CSMD2: variants seen among roughly 807,000 people sequenced by gnomAD.
The protein encoded by CSMD2 is CUB and sushi domain-containing protein 2.
In CSMD2, 130 loss-of-function variants were observed where a neutral mutation model predicts 398.5. That is an observed-to-expected ratio of 0.33 (90% confidence interval 0.28 to 0.38). The LOEUF (loss-of-function observed/expected upper bound fraction) is 0.38, where lower values mean the gene tolerates loss of function less well. Ranked by LOEUF, CSMD2 falls within the 10% of genes least tolerant of loss-of-function variation. CSMD2 has a pLI of 1.00. For missense variants in CSMD2, 3,829 were observed against 4,764.9 expected (o/e 0.80, Z 5.78); for synonymous variants, 1,828 against 1,908.5 (o/e 0.96, Z 1.10).
intron 3 of CSMD2, among the ~76,000 whole-genome samples, chr1:33,983,125 T>C (rs1646229827): frequency 6.6e-6 from 1 of 152,092 alleles, no homozygotes; most frequent in Non-Finnish European, 1.5e-5. Flanking sequence ...GACACTCCCT[T>C]AGGGGTCTAC....
chr1:33,561,633 C>T (rs999799795), intron 53 of CSMD2, among the ~76,000 whole-genome samples: 3 of 152,186 alleles, frequency 2.0e-5, no homozygotes, highest in Non-Finnish European at 2.9e-5. Flanking sequence ...GGCTGTTAAA[C>T]CCAGTGGGCT....
chr1:33,698,031 G>C (rs971040835), intron 24 of CSMD2, among the ~76,000 whole-genome samples: 1 of 152,196 alleles, frequency 6.6e-6, no homozygotes, highest in African/African-American at 2.4e-5. Context: ...GGAAAGGTAG[G>C]AGGCAGGACG....
Position 33,782,843 on chromosome 1 carries a change from G to A in CSMD2, c.1663+5757C>T, listed in dbSNP as rs1438347127. On this transcript the variant is annotated intron_variant, in intron 12 of 70. Coordinates refer to ENST00000373381, the MANE Select transcript of CSMD2 (RefSeq NM_001281956.2). Reference sequence around the variant, plus strand: ...GAACTTCGGATGTCATGTAGAAAACGTTATACTTTATCCTAAAATCAATGG... The same window carrying A: ...GAACTTCGGATGTCATGTAGAAAACATTATACTTTATCCTAAAATCAATGG... Among the ~76,000 whole-genome samples the A allele has an allele frequency of 6.6e-5, 10 of 152,076 alleles. No homozygotes were observed. The East Asian group carries it at 7.7e-4, about 12-fold the overall frequency.
At chr1:34,099,485 A>T (rs1281088202) in intron 1 of CSMD2, among the ~76,000 whole-genome samples, 2 of 152,182 alleles carry the variant, frequency 1.3e-5, no homozygotes, top group Non-Finnish European at 2.9e-5. Flanking sequence ...AGCATCCCAG[A>T]CCTCTGCCTT....
intron 29 of CSMD2, among the ~76,000 whole-genome samples, chr1:33,638,960 G>A (rs1405460608): frequency 1.3e-5 from 2 of 152,170 alleles, no homozygotes; most frequent in African/African-American, 2.4e-5. Flanking sequence ...TTTTGTTCAC[G>A]GCCATATTCC....
intron 5 of CSMD2, among the ~76,000 whole-genome samples, chr1:33,917,521 CA>C (rs1643786959): frequency 6.6e-6 from 1 of 152,208 alleles, no homozygotes; most frequent in Non-Finnish European, 1.5e-5. Context: ...CCTAACCCAT[CA>C]ACAACTGAGA....
chr1:34,064,930 G>A (rs765789864), intron 2 of CSMD2, among the ~76,000 whole-genome samples: 2 of 152,034 alleles, frequency 1.3e-5, no homozygotes, highest in African/African-American at 2.4e-5. Context: ...CGGAAAACTC[G>A]GATAAAACCA....
chr1:33,730,219 T>C (rs576524191), intron 15 of CSMD2, among the ~76,000 whole-genome samples: 1 of 152,304 alleles, frequency 6.6e-6, no homozygotes, highest in African/African-American at 2.4e-5. Flanking sequence ...TTAGTAGGTA[T>C]GGTATGATTC....
At chr1:33,576,965 C>A (rs1015067423) in intron 49 of CSMD2, among the ~76,000 whole-genome samples, 15 of 152,092 alleles carry the variant, frequency 9.9e-5, no homozygotes, top group Admixed American at 7.2e-4. Context: ...GAGCCGGAAC[C>A]CAAGCATCCC....
At chr1:33,599,564 A>G (rs1640073796) in intron 44 of CSMD2, 1 of 152,228 alleles carries the variant, frequency 6.6e-6, no homozygotes, top group South Asian at 2.1e-4. Flanking sequence ...CATAGCTTGC[A>G]TGTGTCAGAG....
chr1:34,081,900 A>C (rs1194356962), intron 2 of CSMD2, among the ~76,000 whole-genome samples: 28 of 123,398 alleles, frequency 2.3e-4, no homozygotes, highest in Middle Eastern at 5.8e-3. Flanking sequence ...CCAGCCGCCC[A>C]GTCTGGGAAG....
chr1:34,093,593 G>A (rs1468123514), intron 1 of CSMD2, among the ~76,000 whole-genome samples: 1 of 151,672 alleles, frequency 6.6e-6, no homozygotes, highest in African/African-American at 2.4e-5. Context: ...ACCAAGGCTC[G>A]AGAACTACAT....
At chr1:34,157,370 T>C (rs911354790) in intron 1 of CSMD2, among the ~76,000 whole-genome samples, 7 of 152,144 alleles carry the variant, frequency 4.6e-5, no homozygotes, top group Non-Finnish European at 7.4e-5. Flanking sequence ...GTCCACTCAG[T>C]TGGTGCCTAT....
At position 33,519,044 on chromosome 1, in the gene CSMD2, G is replaced by A. The variant is rs1184266116; in HGVS notation, c.*53+421C>T. 1.3e-5 allele frequency among the ~76,000 whole-genome samples: 2 copies of A among 152,098 alleles called. No individual in the cohort carries two copies. The highest frequency in any genetic ancestry group is 1.5e-5 in the Non-Finnish European group (1 of 68,028). On this transcript the variant is annotated intron_variant, in intron 70 of 70. Transcript: ENST00000373381. The surrounding 1 kb of genome is among the most constrained non-coding windows in gnomAD (Gnocchi z 5.6). ...CTCCAGGGCTTGACTTCGACCCAGAGGATGTATATATCCAGTTGGTTCTGT... is the reference window on the plus strand; with the variant it reads ...CTCCAGGGCTTGACTTCGACCCAGAAGATGTATATATCCAGTTGGTTCTGT...
chr1:33,964,487 T>G (rs1027561100), intron 3 of CSMD2, among the ~76,000 whole-genome samples: 1 of 152,228 alleles, frequency 6.6e-6, no homozygotes, highest in Non-Finnish European at 1.5e-5. Flanking sequence ...AATAAGCAAC[T>G]GGAATAGGAC....
chr1:33,531,362 G>T (rs1372273454), intron 64 of CSMD2, among the ~76,000 whole-genome samples: 1 of 152,198 alleles, frequency 6.6e-6, no homozygotes, highest in Non-Finnish European at 1.5e-5. Context: ...AGGATGTCGA[G>T]AAATTGGACC....
intron 3 of CSMD2, among the ~76,000 whole-genome samples, chr1:33,950,472 TG>T (rs1644974320): frequency 6.6e-6 from 1 of 151,168 alleles, no homozygotes; most frequent in African/African-American, 2.4e-5. Flanking sequence ...TACATGAGCA[TG>T]TGTGTGTCTA....
chr1:33,959,967 T>C (rs1239704820), intron 3 of CSMD2, among the ~76,000 whole-genome samples: 2 of 152,190 alleles, frequency 1.3e-5, no homozygotes, highest in Non-Finnish European at 2.9e-5. Context: ...ATAGGTCAAA[T>C]GAATGAATGA....
At chr1:33,908,158 A>G (rs993004345) in intron 5 of CSMD2, among the ~76,000 whole-genome samples, 3 of 152,122 alleles carry the variant, frequency 2.0e-5, no homozygotes, top group Admixed American at 6.6e-5. Context: ...CTGAAGACTT[A>G]AGTCAGTCTT....
Sources: allele counts gnomAD v4.1 joint callset (sites outside exome capture counted in the v4.1 genomes callset), GRCh38; gene constraint gnomAD v4.1.1; non-coding constraint Gnocchi (gnomAD v3.1); transcripts MANE v1.5; gene names NCBI Gene and HGNC (gene_info 2026-07-23, HGNC 2026-07-21).